C5: variants seen among roughly 807,000 people sequenced by gnomAD.
The protein encoded by C5 is C3 and PZP-like alpha-2-macroglobulin domain-containing protein 4.
Under a neutral mutation model 218.8 loss-of-function variants are expected in C5, and 140 were observed. That is an observed-to-expected ratio of 0.64 (90% CI 0.56 to 0.74). The LOEUF (loss-of-function observed/expected upper bound fraction) is 0.74, where lower values mean the gene tolerates loss of function less well. C5 is among the 30% of genes least tolerant of loss of function. The probability of loss-of-function intolerance (pLI) is 0.00; values close to 1 mark genes in which losing one functional copy is unlikely to be tolerated. For synonymous variants in C5, 614 were observed against 682.3 expected, an observed-to-expected ratio of 0.90 and a Z score of 1.56; for missense variants, 1,700 against 1,969.6, an observed-to-expected ratio of 0.86 and a Z score of 2.59.
At chr9:121,041,906 C>G (rs368431364) in intron 3 of C5, among the ~76,000 whole-genome samples, 2 of 152,162 alleles carry the variant, frequency 1.3e-5, no homozygotes, top group Non-Finnish European at 2.9e-5. Flanking sequence ...ATCTCCACCC[C>G]CTTTAGGCTT....
intron 20 of C5, among the ~76,000 whole-genome samples, chr9:121,002,271 T>G (rs150381784): frequency 1.6e-5 from 2 of 125,474 alleles, no homozygotes; most frequent in Non-Finnish European, 3.2e-5. Flanking sequence ...TGTATATATA[T>G]GTATATATAC....
upstream of C5, chr9:121,050,280 CT>C: frequency 4.0e-6 from 6 of 1,511,316 alleles, no homozygotes; most frequent in Non-Finnish European, 4.6e-6. Context: ...GGATATAACA[CT>C]TTTGAGGATA....
In C5 at chr9:120,980,212, C is replaced by G. The variant is rs755602379; in HGVS notation, c.3529G>C (p.Glu1177Gln). 1 of 1,614,172 alleles carries G rather than the reference C, an allele frequency of 6.2e-7. No individual in the cohort carries two copies. ...ALIKADNFLL[E>Q]NTLPAQSTFT... ...GTGCTCTGGGCTGGCAGTGTATTTT[C>G]AAGCAGAAAGTTGTCAGCTTTAATT... is the stretch of plus-strand genomic sequence containing the variant. Residue 1177 changes from glutamate to glutamine, a missense_variant, in exon 28 of 41, where the codon GAA becomes CAA. Glu to Gln is a conservative substitution (Grantham distance 29, BLOSUM62 2). Coordinates refer to ENST00000223642, the MANE Select transcript of C5 (RefSeq NM_001735.3).
At chr9:120,992,399 T>G (rs1422059068) in intron 22 of C5, among the ~76,000 whole-genome samples, 1 of 152,240 alleles carries the variant, frequency 6.6e-6, no homozygotes, top group Non-Finnish European at 1.5e-5. Context: ...TTTCTTAGCC[T>G]CAATTTGTTC....
intron 40 of C5, 149 bp from the exon 41 acceptor site, chr9:120,953,017 G>C (rs1039202751): frequency 9.4e-6 from 7 of 746,560 alleles, no homozygotes; most frequent in African/African-American, 1.8e-5. Context: ...TCTGCCTCTC[G>C]GGTTCACGCC....
chr9:121,045,021 C>T (rs1410305188), intron 2 of C5, among the ~76,000 whole-genome samples: 1 of 147,516 alleles, frequency 6.8e-6, no homozygotes, highest in Non-Finnish European at 1.5e-5. Flanking sequence ...GCGATCTTGG[C>T]TCACTGCAAC....
At chr9:120,975,182 G>A (rs1205801638) in intron 29 of C5, among the ~76,000 whole-genome samples, 1 of 152,138 alleles carries the variant, frequency 6.6e-6, no homozygotes, top group Non-Finnish European at 1.5e-5. Flanking sequence ...TTCTGCAAAT[G>A]TAACCTCAGG....
intron 3 of C5, among the ~76,000 whole-genome samples, chr9:121,038,635 T>C (rs2047551003): frequency 6.6e-6 from 1 of 152,204 alleles, no homozygotes. Context: ...TCACAGCTGT[T>C]TGAGACACAG....
rs2046835522 is a variant in C5, at chr9:120,962,651, G to A, written c.4504+20C>T. On this transcript the variant is annotated intron_variant, in intron 36 of 40. Transcript: ENST00000223642. ...ATACAAAGTATTCTTCTGAAGAAAT[G>A]TTAGCATGGAGTTGATTACCTGGTC... 3 of 1,497,728 alleles carry A rather than the reference G, an allele frequency of 2.0e-6. No homozygotes were observed. Among genetic ancestry groups the A allele is most frequent in the African/African-American group, 1.4e-5 (1 of 72,488 alleles). The allele number at this position is 1,497,728 out of a possible 1,614,324, so 92.8% of individuals were successfully genotyped here.
intron 39 of C5, among the ~76,000 whole-genome samples, chr9:120,955,133 C>A (rs2046775547): frequency 6.6e-6 from 1 of 152,166 alleles, no homozygotes; most frequent in African/African-American, 2.4e-5. Flanking sequence ...CTACAGTTTG[C>A]CCTTGATTCT....
intron 7 of C5, among the ~76,000 whole-genome samples, chr9:121,029,325 G>GTAATGTTTGAGGCATGGACTC: frequency 6.6e-6 from 1 of 152,142 alleles, no homozygotes. Context: ...CTAGCATAGG[G>GTAATGTTTGAGGCATGGACTC]TAATGTTTGA....
At chr9:121,020,657 T>A (rs2047357209) in intron 11 of C5, among the ~76,000 whole-genome samples, 1 of 152,152 alleles carries the variant, frequency 6.6e-6, no homozygotes, top group South Asian at 2.1e-4. Context: ...TGGGTGCTTA[T>A]AAATATGAGG....
In C5 at chr9:120,989,596, C is replaced by T. The variant is rs41311885; in HGVS notation, c.3126G>A (p.Lys1042=). The change falls in exon 24 of 41, where the codon AAG becomes AAA. Residue 1042 remains lysine (K), a synonymous_variant. Coordinates refer to ENST00000223642, the MANE Select transcript of C5 (RefSeq NM_001735.3). ...CTTTTAATTTTTTCTTCAGTTTCTG[C>T]TTTTCAATTAATGGGTCAGAATGAA... ...NIFHSDPLIE[K]QKLKKKLKEG... 3.5e-3 allele frequency: 5,632 copies of T among 1,608,216 alleles called. 184 individuals carry two copies. The African/African-American group carries it at 0.068, about 19-fold the overall frequency.
At position 120,972,724 on chromosome 9, in the gene C5, G is replaced by A. The variant is rs115101823; in HGVS notation, c.4018-732C>T. On this transcript the variant is annotated intron_variant, in intron 30 of 40. Transcript: ENST00000223642. ...GTACAGGAGAGATAATTTTGAGCCC[G>A]AGGGGTTGGCACTTCCTTTACTCCA... Among the ~76,000 whole-genome samples, 903 of 152,270 alleles carry A rather than the reference G, an allele frequency of 5.9e-3. 13 individuals carry two copies. Among genetic ancestry groups the A allele is most frequent in the African/African-American group, 0.018 (737 of 41,556 alleles).
rs775252391 is a variant in C5 at position 121,013,318 on chromosome 9, G to GGAAAA, written c.2257+554_2257+555insTTTTC. Among the ~76,000 whole-genome samples, 145 of 99,250 alleles carry GGAAAA rather than the reference G, an allele frequency of 1.5e-3. 6 individuals are homozygous for GGAAAA. Among genetic ancestry groups the GGAAAA allele is most frequent in the African/African-American group, 2.1e-3 (61 of 28,490 alleles). The allele number at this position is 99,250 out of a possible 152,430, so 65.1% of individuals were successfully genotyped here. A position where few individuals can be genotyped will look rare whatever the true frequency, so the allele number is the denominator to read the frequency against. On this transcript the variant is annotated intron_variant, in intron 17 of 40. Transcript: ENST00000223642. ...TGGGTGACAGAGCCAGATTCCTACTGAAAAAAAAAAAAAAAAAGACTATAT... is the reference window on the plus strand; with the variant it reads ...TGGGTGACAGAGCCAGATTCCTACTGGAAAAAAAAAAAAAAAAAAAAAGACTATAT...
chr9:121,034,447 C>T (rs982773674), intron 5 of C5, among the ~76,000 whole-genome samples: 1 of 152,200 alleles, frequency 6.6e-6, no homozygotes, highest in Non-Finnish European at 1.5e-5. Flanking sequence ...GCAAAAACTA[C>T]AGACGACCCT....
rs2047296515 is a variant in C5, at chr9:121,015,222, A to G, written c.2036T>C (p.Leu679Pro). ...ACCTATTTCTTCTATCTTCTTTTGC[A>G]GCGTTCTTCTTGGCCTGAGAATTTC... The part of the protein sequence containing the change: ...CKEILRPRRT[L>P]QKKIEEIAAK... The change falls in exon 16 of 41, where the codon CTG (leucine) becomes CCG (proline). Residue 679 changes from leucine (L) to proline (P), a missense_variant. By Grantham distance (98) the Leu-to-Pro change is moderately conservative. Transcript: ENST00000223642. 5.0e-6 allele frequency: 8 copies of G among 1,607,842 alleles called. No individual in the cohort carries two copies. The highest frequency in any genetic ancestry group is 6.8e-6 in the Non-Finnish European group (8 of 1,175,450).
the C5 span, among the ~76,000 whole-genome samples, chr9:121,067,727 C>T: frequency 1.3e-5 from 2 of 152,036 alleles, no homozygotes; most frequent in Non-Finnish European, 2.9e-5. Context: ...TTTCCCCATG[C>T]TGTTCTTACC....
chr9:121,074,262 G>A, the C5 span, among the ~76,000 whole-genome samples: 1 of 152,220 alleles, frequency 6.6e-6, no homozygotes, highest in African/African-American at 2.4e-5. Context: ...ATCCAGCCCA[G>A]TATCTGCTAA....
Sources: allele counts gnomAD v4.1 joint callset (sites outside exome capture counted in the v4.1 genomes callset), GRCh38; gene constraint gnomAD v4.1.1; transcripts MANE v1.5; gene names NCBI Gene and HGNC (gene_info 2026-07-23, HGNC 2026-07-21).